NID1: variants seen among roughly 807,000 people sequenced by gnomAD.
NID1 encodes nidogen 1.
In NID1, 76 loss-of-function variants were observed where a neutral mutation model predicts 130.6. The observed-to-expected ratio is 0.58, with a 90% CI of 0.48 to 0.70. The LOEUF (loss-of-function observed/expected upper bound fraction) is 0.70, where lower values mean the gene tolerates loss of function less well. NID1 is among the 30% of genes least tolerant of loss of function. The pLI, the probability that NID1 is intolerant of heterozygous loss-of-function variation, is 0.00. For missense variants in NID1, 1,517 were observed against 1,664.8 expected (o/e 0.91, Z 1.54); for synonymous variants, 665 against 675.1 (o/e 0.98, Z 0.23).
chr1:236,031,381 G>A (rs1039677485), intron 6 of NID1, among the ~76,000 whole-genome samples: 2 of 152,178 alleles, frequency 1.3e-5, no homozygotes, highest in Non-Finnish European at 2.9e-5. Flanking sequence ...GCCTCCCAAA[G>A]TGCTGGGATT....
In NID1 at chr1:236,041,317, C is replaced by T. The variant is rs574180462; in HGVS notation, c.1135+593G>A. Reference sequence around the variant, plus strand: ...TCTTGAGCTTGTGATCCACCTGCCTCGGCCTCCCAAAGTGCTGGGATTACA... The same window carrying T: ...TCTTGAGCTTGTGATCCACCTGCCTTGGCCTCCCAAAGTGCTGGGATTACA... On this transcript the variant is annotated intron_variant, in intron 4 of 19. Coordinates refer to ENST00000264187, the MANE Select transcript of NID1 (RefSeq NM_002508.3). Among the ~76,000 whole-genome samples, 75 of 151,036 alleles carry T rather than the reference C, an allele frequency of 5.0e-4. No individual in the cohort carries two copies. In the South Asian group the frequency reaches 0.012, roughly 24 times the overall value.
At chr1:235,995,941 C>T (rs1419218344) in intron 12 of NID1, among the ~76,000 whole-genome samples, 1 of 152,218 alleles carries the variant, frequency 6.6e-6, no homozygotes, top group Non-Finnish European at 1.5e-5. Flanking sequence ...GGGAGGATCA[C>T]TTGAGTCCAG....
At chr1:235,987,512 G>C (rs922934714) in intron 14 of NID1, among the ~76,000 whole-genome samples, 18 of 152,144 alleles carry the variant, frequency 1.2e-4, no homozygotes, top group Admixed American at 5.9e-4. Flanking sequence ...AAACAAAACA[G>C]AAGCACAAAC....
chr1:235,990,712 C>T lies in NID1; in HGVS notation c.2928+174G>A, dbSNP rs1041111. Reference sequence around the variant, plus strand: ...ATTTGGCAGGGGAATGGAAAGATCACGAGCAGCTCAGCAATACAGTGGCCC... The same window carrying T: ...ATTTGGCAGGGGAATGGAAAGATCATGAGCAGCTCAGCAATACAGTGGCCC... On this transcript the variant is annotated intron_variant, in intron 14 of 19. Coordinates refer to ENST00000264187, the MANE Select transcript of NID1 (RefSeq NM_002508.3). 0.52 allele frequency among the ~76,000 whole-genome samples: 78,817 copies of T among 151,868 alleles called. 21,804 individuals carry two copies. Among genetic ancestry groups the T allele is most frequent in the Non-Finnish European group, 0.61 (41,089 of 67,910 alleles).
At chr1:236,008,454 A>T (rs1451087766) in intron 12 of NID1, among the ~76,000 whole-genome samples, 1 of 152,176 alleles carries the variant, frequency 6.6e-6, no homozygotes, top group African/African-American at 2.4e-5. Flanking sequence ...AGACCAGATG[A>T]CACTATGCAT....
At chr1:236,001,215 C>T (rs1658067420) in intron 12 of NID1, among the ~76,000 whole-genome samples, 1 of 151,820 alleles carries the variant, frequency 6.6e-6, no homozygotes, top group Non-Finnish European at 1.5e-5. Context: ...AAGCGATTCT[C>T]CTGCCTCAGT....
At chr1:236,036,835 C>T (rs1659275730) in intron 5 of NID1, among the ~76,000 whole-genome samples, 1 of 152,216 alleles carries the variant, frequency 6.6e-6, no homozygotes, top group African/African-American at 2.4e-5. Flanking sequence ...AAGGCCATCA[C>T]CAAATGTGGC....
intron 4 of NID1, among the ~76,000 whole-genome samples, 186 bp downstream of exon 4, chr1:236,041,724 T>C (rs1659456834): frequency 6.6e-6 from 1 of 152,166 alleles, no homozygotes; most frequent in Non-Finnish European, 1.5e-5. Context: ...TCACTGAGCA[T>C]CTCTGAAGCC....
chr1:236,031,512 A>T (rs1481306917), intron 6 of NID1, among the ~76,000 whole-genome samples: 2 of 152,254 alleles, frequency 1.3e-5, no homozygotes, highest in African/African-American at 4.8e-5. Context: ...ACCAGCGTGC[A>T]GCCTGGATGG....
At position 236,025,938 on chromosome 1, in the gene NID1, T is replaced by A; in HGVS notation, c.1942A>T (p.Ile648Phe). Residue 648 changes from isoleucine to phenylalanine, a missense_variant, in exon 8 of 20, where the codon ATC becomes TTC. This residue lies in a region of NID1 where 1,329 missense variants were observed against 1,429.2 expected (regional missense o/e 0.93). Transcript: ENST00000264187. ...VFVLYNQEEK[I>F]LRYALSNSIG... ...GAGTTGCTGAGAGCATAGCGCAAGATCTTCTCCTCCTGGTTGTACAGGACG... is the reference window on the plus strand; with the variant it reads ...GAGTTGCTGAGAGCATAGCGCAAGAACTTCTCCTCCTGGTTGTACAGGACG... 6.2e-7 allele frequency: 1 copy of A among 1,613,820 alleles called. No individual in the cohort carries two copies. Among genetic ancestry groups the A allele is most frequent in the Non-Finnish European group, 8.5e-7 (1 of 1,179,948 alleles).
intron 15 of NID1, among the ~76,000 whole-genome samples, chr1:235,984,655 C>T (rs1657523292): frequency 6.6e-6 from 1 of 152,190 alleles, no homozygotes; most frequent in Admixed American, 6.5e-5. Flanking sequence ...ATTCCCAAGT[C>T]AGTTGATGAG....
rs550410368 is a variant in NID1, at chr1:236,019,967, G to C, written c.2129-2694C>G. ...CAGGAGAATTGCTTGAACCCAGGGGGTGGAGGTTGCAGTGAGCCGAAATTG... is the reference window on the plus strand; with the variant it reads ...CAGGAGAATTGCTTGAACCCAGGGGCTGGAGGTTGCAGTGAGCCGAAATTG... On this transcript the variant is annotated intron_variant, in intron 9 of 19. Transcript: ENST00000264187. 7.5e-4 allele frequency among the ~76,000 whole-genome samples: 114 copies of C among 151,602 alleles called. 1 individual carries two copies. The highest frequency in any genetic ancestry group is 2.7e-3 in the African/African-American group (111 of 41,262).
Position 235,977,851 on chromosome 1 carries a change from T to C in NID1, c.*16A>G. On this transcript the variant is annotated 3_prime_UTR_variant, in exon 20 of 20. Transcript: ENST00000264187. ...TGCTGTGAAATACTTGGAAAGGAAA[T>C]AAGGCACTCTTGTCTTCATTTCTGT... is the stretch of plus-strand genomic sequence containing the variant. 2 of 1,613,238 alleles carry C rather than the reference T, an allele frequency of 1.2e-6. No homozygotes were observed. Among genetic ancestry groups the C allele is most frequent in the Non-Finnish European group, 1.7e-6 (2 of 1,179,592 alleles).
chr1:236,016,930 G>T (rs184890664), intron 10 of NID1, among the ~76,000 whole-genome samples: 3 of 152,276 alleles, frequency 2.0e-5, no homozygotes, highest in African/African-American at 7.2e-5. Context: ...GTGAGGCGAT[G>T]GTATTACTAG....
At chr1:236,057,982 G>A (rs982843280) in intron 1 of NID1, among the ~76,000 whole-genome samples, 1 of 152,160 alleles carries the variant, frequency 6.6e-6, no homozygotes, top group Non-Finnish European at 1.5e-5. Context: ...AATGGCAGCA[G>A]CACGTTCCTT....
At chr1:236,022,626 C>G (rs1658799008) in intron 9 of NID1, among the ~76,000 whole-genome samples, 1 of 151,052 alleles carries the variant, frequency 6.6e-6, no homozygotes, top group Non-Finnish European at 1.5e-5. Flanking sequence ...GTGTGAGCCA[C>G]TGCGCCTGGC....
chr1:235,988,287 G>T (rs909241103), intron 14 of NID1, among the ~76,000 whole-genome samples: 1 of 152,196 alleles, frequency 6.6e-6, no homozygotes, highest in Non-Finnish European at 1.5e-5. Context: ...TACGTGAAAA[G>T]ATGTTCAGTG....
Position 235,980,618 on chromosome 1 carries a change from G to C in NID1, c.3263C>G (p.Pro1088Arg). Residue 1088 changes from proline (P) to arginine (R), a missense_variant, in exon 17 of 20, where the codon CCC (proline) becomes CGC (arginine). Physicochemically the swap from Pro to Arg is moderately radical, Grantham distance 103. Transcript: ENST00000264187. ...LYWTDWNRDN[P>R]KIETSYMDGT... The stretch of plus-strand genomic sequence containing the variant: ...GTCCATGTAGGAAGTTTCAATCTTG[G>C]GGTTATCTCTGTTCCAGTCTGTCCA... 6.2e-7 allele frequency: 1 copy of C among 1,614,170 alleles called. No individual in the cohort carries two copies. Among genetic ancestry groups the C allele is most frequent in the Non-Finnish European group, 8.5e-7 (1 of 1,180,034 alleles).
At position 236,053,398 on chromosome 1, in the gene NID1, G is replaced by A. The variant is rs1301930739; in HGVS notation, c.226-4409C>T. 2.6e-5 allele frequency among the ~76,000 whole-genome samples: 4 copies of A among 152,260 alleles called. No homozygotes were observed. In the East Asian group the frequency reaches 7.7e-4, roughly 29 times the overall value. Reference sequence around the variant, plus strand: ...TCCAAGAACCTATCCACAATGTTAAGTGAGAAGCTACTGTATATGGCACTT... The same window carrying A: ...TCCAAGAACCTATCCACAATGTTAAATGAGAAGCTACTGTATATGGCACTT... On this transcript the variant is annotated intron_variant, in intron 1 of 19. Coordinates refer to ENST00000264187, the MANE Select transcript of NID1 (RefSeq NM_002508.3).
Sources: allele counts gnomAD v4.1 joint callset (sites outside exome capture counted in the v4.1 genomes callset), GRCh38; gene constraint gnomAD v4.1.1; regional missense constraint gnomAD v4.1.1; transcripts MANE v1.5; gene names NCBI Gene and HGNC (gene_info 2026-07-23, HGNC 2026-07-21).